SLFN12: variants seen among roughly 807,000 people sequenced by gnomAD.
The protein encoded by SLFN12 is schlafen family member 12.
A neutral mutation model predicts 29.1 loss-of-function variants in SLFN12; 25 were observed. That is an observed-to-expected ratio of 0.86 (90% confidence interval 0.63 to 1.20). The LOEUF is 1.20. Ranked by LOEUF, SLFN12 falls within the 50% of genes most tolerant of loss-of-function variation. SLFN12 has a pLI of 0.00. For synonymous variants in SLFN12, 257 were observed against 238.7 expected (o/e 1.08, Z -0.71); for missense variants, 660 against 666.2 (o/e 0.99, Z 0.10).
At position 35,410,965 on chromosome 17, in the gene SLFN12, G is replaced by C. The variant is rs9901457; in HGVS notation, c.*373C>G. On this transcript the variant is annotated 3_prime_UTR_variant, in exon 4 of 4. Coordinates refer to ENST00000304905, the MANE Select transcript of SLFN12 (RefSeq NM_018042.5). ...TTCATTCCCACTGTGGAAATTCTGA[G>C]TTTCATCAAGGATAATCTTTTGTAA... The C allele has an allele frequency of 0.01, 1,590 of 154,654 alleles. 40 individuals carry two copies. Among genetic ancestry groups the C allele is most frequent in the African/African-American group, 0.036 (1,482 of 41,572 alleles). The allele number at this position is 154,654 out of a possible 1,614,324, so 9.6% of individuals were successfully genotyped here. A position where few individuals can be genotyped will look rare whatever the true frequency, so the allele number is the denominator to read the frequency against.
chr17:35,413,103 T>C (rs1268079786), intron 3 of SLFN12, among the ~76,000 whole-genome samples: 1 of 149,808 alleles, frequency 6.7e-6, no homozygotes, highest in Non-Finnish European at 1.5e-5. Flanking sequence ...AGATAAGAGA[T>C]ATATCCGAAA....
At chr17:35,430,874 ACTTCT>A (rs956365465) in intron 1 of SLFN12, among the ~76,000 whole-genome samples, 2 of 152,166 alleles carry the variant, frequency 1.3e-5, no homozygotes, top group Non-Finnish European at 2.9e-5. Context: ...CTGCACAGAT[ACTTCT>A]CTGTTCAGCC....
chr17:35,422,929 A>T lies in SLFN12; in HGVS notation c.100T>A (p.Cys34Ser), dbSNP rs1339101297. 1 of 1,613,842 alleles carries T rather than the reference A, an allele frequency of 6.2e-7. No individual in the cohort carries two copies. Among genetic ancestry groups the T allele is most frequent in the Non-Finnish European group, 8.5e-7 (1 of 1,179,970 alleles). ...GENSRKKMKD[C>S]KLRKKQNESV... ...TCATTCTGCTTTTTTCTCAGTTTAC[A>T]ATCCTTCATTTTTTTCCTACTGTTC... Residue 34 changes from cysteine (C) to serine (S), a missense_variant, in exon 2 of 4, where the codon TGT becomes AGT. Physicochemically the swap from Cys to Ser is moderately radical, Grantham distance 112. Transcript: ENST00000304905.
intron 3 of SLFN12, among the ~76,000 whole-genome samples, chr17:35,417,899 A>G (rs1911409755): frequency 6.6e-6 from 1 of 152,076 alleles, no homozygotes; most frequent in Admixed American, 6.5e-5. Context: ...ACCTAGACAT[A>G]AGTGTAATAA....
intron 1 of SLFN12, among the ~76,000 whole-genome samples, 200 bp from the exon 2 acceptor site, chr17:35,423,268 T>C (rs1207623181): frequency 2.0e-5 from 3 of 152,164 alleles, no homozygotes; most frequent in Non-Finnish European, 2.9e-5. Flanking sequence ...TTTGTTACTA[T>C]AGTTCTATAT....
chr17:35,427,034 G>C (rs1912057012), intron 1 of SLFN12, among the ~76,000 whole-genome samples: 1 of 152,126 alleles, frequency 6.6e-6, no homozygotes, highest in South Asian at 2.1e-4. Context: ...TGAGATCTGA[G>C]TTAGGGGATA....
At position 35,411,655 on chromosome 17, in the gene SLFN12, C is replaced by T; in HGVS notation, c.1420G>A (p.Ala474Thr). ...EEFKGYSTQT[A>T]LTLKQKLAKI... ...GCCAGCTTCTGCTTTAAGGTTAGGGCAGTTTGTGTAGAATAGCCTTTAAAC... is the reference window on the plus strand; with the variant it reads ...GCCAGCTTCTGCTTTAAGGTTAGGGTAGTTTGTGTAGAATAGCCTTTAAAC... Residue 474 changes from alanine (A) to threonine (T), a missense_variant, in exon 4 of 4, where the codon GCC (alanine) becomes ACC (threonine). Coordinates refer to ENST00000304905, the MANE Select transcript of SLFN12 (RefSeq NM_018042.5). 6.2e-7 allele frequency: 1 copy of T among 1,613,940 alleles called. No homozygotes were observed. The highest frequency in any genetic ancestry group is 8.5e-7 in the Non-Finnish European group (1 of 1,179,978).
At chr17:35,417,435 C>A (rs1046624841) in intron 3 of SLFN12, among the ~76,000 whole-genome samples, 1 of 152,052 alleles carries the variant, frequency 6.6e-6, no homozygotes, top group African/African-American at 2.4e-5. Context: ...GTACCTAAGG[C>A]AAACCTCAAT....
At chr17:35,415,924 C>T (rs1483691700) in intron 3 of SLFN12, among the ~76,000 whole-genome samples, 1 of 152,254 alleles carries the variant, frequency 6.6e-6, no homozygotes, top group East Asian at 1.9e-4. Flanking sequence ...TAAACTATTA[C>T]AACCACTGTG....
intron 1 of SLFN12, among the ~76,000 whole-genome samples, chr17:35,430,004 T>C (rs765766054): frequency 6.6e-6 from 1 of 151,934 alleles, no homozygotes; most frequent in Non-Finnish European, 1.5e-5. Flanking sequence ...CCTCTCTAGC[T>C]CTGCTTGAAC....
At position 35,416,958 on chromosome 17, in the gene SLFN12, C is replaced by A. The variant is rs544493675; in HGVS notation, c.1147+3316G>T. Among the ~76,000 whole-genome samples, 62 of 152,158 alleles carry A rather than the reference C, an allele frequency of 4.1e-4. No homozygotes were observed. The South Asian group carries it at 6.0e-3, about 15-fold the overall frequency. On this transcript the variant is annotated intron_variant, in intron 3 of 3. Coordinates refer to ENST00000304905, the MANE Select transcript of SLFN12 (RefSeq NM_018042.5). ...AGTCTTCCCACAAAAGGAAGACAAA[C>A]CATTTTACAGGCAAATTCCACCACA...
intron 3 of SLFN12, among the ~76,000 whole-genome samples, chr17:35,412,426 C>T (rs1423667787): frequency 6.6e-6 from 1 of 152,066 alleles, no homozygotes; most frequent in African/African-American, 2.4e-5. Context: ...TTTCTTCAGC[C>T]TCATGGTGCT....
Position 35,411,306 on chromosome 17 carries a change from A to C in SLFN12, c.*32T>G. On this transcript the variant is annotated 3_prime_UTR_variant, in exon 4 of 4. Transcript: ENST00000304905. ...AGAGAATGTTATCAAATATATAATG[A>C]AAAATATCTCAGTAGCCCAGTCCAT... 1.5e-6 allele frequency: 2 copies of C among 1,364,496 alleles called. No homozygotes were observed. The highest frequency in any genetic ancestry group is 2.0e-6 in the Non-Finnish European group (2 of 1,009,224). 84.5% of individuals were successfully genotyped at this position (1,364,496 alleles called of 1,614,324 possible).
At chr17:35,413,068 T>TA (rs376485425) in intron 3 of SLFN12, among the ~76,000 whole-genome samples, 35,008 of 112,774 alleles carry the variant, frequency 0.31, 4,264 homozygotes, top group Middle Eastern at 0.39. Flanking sequence ...TCAAACTCAA[T>TA]AAAAAAAAAA....
intron 2 of SLFN12, among the ~76,000 whole-genome samples, 159 bp downstream of exon 2, chr17:35,421,831 C>T (rs1261894183): frequency 6.6e-6 from 1 of 150,578 alleles, no homozygotes; most frequent in East Asian, 2.0e-4. Flanking sequence ...TGAGCCACCG[C>T]GCCTGGCCGA....
chr17:35,429,042 A>ATT (rs1912164983), intron 1 of SLFN12, among the ~76,000 whole-genome samples: 1 of 152,112 alleles, frequency 6.6e-6, no homozygotes, highest in South Asian at 2.1e-4. Flanking sequence ...CTCACCAAGC[A>ATT]GCCTCTGCTC....
At chr17:35,418,165 A>C (rs1911425348) in intron 3 of SLFN12, among the ~76,000 whole-genome samples, 1 of 152,052 alleles carries the variant, frequency 6.6e-6, no homozygotes, top group East Asian at 1.9e-4. Context: ...TCAAAGAAAA[A>C]CTAAAGGGCT....
upstream of SLFN12, chr17:35,432,574 A>T (rs1485783673): frequency 6.6e-6 from 1 of 152,138 alleles, no homozygotes; most frequent in African/African-American, 2.4e-5. Flanking sequence ...GAAGTTACAA[A>T]GTTACATTCC....
intron 1 of SLFN12, among the ~76,000 whole-genome samples, chr17:35,423,310 G>C (rs567991785): frequency 6.6e-6 from 1 of 151,740 alleles, no homozygotes; most frequent in Non-Finnish European, 1.5e-5. Flanking sequence ...CTCTTTATCC[G>C]CCTTTTTTCT....
Sources: gnomAD v4.1 joint callset for allele counts (sites outside exome capture counted in the v4.1 genomes callset) on GRCh38, gnomAD v4.1.1 for gene constraint, MANE v1.5 for transcripts, NCBI Gene and HGNC (gene_info 2026-07-23, HGNC 2026-07-21) for gene names.